PIK3C2G: variants seen among roughly 807,000 people sequenced by gnomAD.
The protein encoded by PIK3C2G is phosphatidylinositol 3-kinase C2 domain-containing subunit gamma.
Under a neutral mutation model 181.1 loss-of-function variants are expected in PIK3C2G, and 168 were observed. The observed-to-expected ratio is 0.93, with a 90% CI of 0.82 to 1.05. The LOEUF is 1.05. PIK3C2G is among the 50% of genes least tolerant of loss of function. The pLI is 0.00. For missense variants in PIK3C2G, 1,869 were observed against 1,732.8 expected, an observed-to-expected ratio of 1.08 and a Z score of -1.40; for synonymous variants, 573 against 592.2, an observed-to-expected ratio of 0.97 and a Z score of 0.47.
intron 30 of PIK3C2G, among the ~76,000 whole-genome samples, chr12:18,601,232 G>T (rs941927237): frequency 6.6e-6 from 1 of 150,952 alleles, no homozygotes; most frequent in Non-Finnish European, 1.5e-5. Context: ...CCCTGAAAAG[G>T]CATTTGATAA....
intron 26 of PIK3C2G, among the ~76,000 whole-genome samples, chr12:18,547,401 CTTG>C (rs1029289881): frequency 2.3e-4 from 35 of 151,986 alleles, no homozygotes; most frequent in Admixed American, 7.2e-4. Flanking sequence ...GTGTGCTGCC[CTTG>C]TTGTTGAAAA....
At chr12:18,562,328 T>G (rs1245577656) in intron 26 of PIK3C2G, among the ~76,000 whole-genome samples, 2 of 152,104 alleles carry the variant, frequency 1.3e-5, no homozygotes, top group Non-Finnish European at 2.9e-5. Flanking sequence ...GAAACAGGGT[T>G]TCACCGTGTT....
intron 13 of PIK3C2G, 22 bp downstream of exon 13, chr12:18,371,333 A>T (rs761639876): frequency 6.3e-7 from 1 of 1,576,020 alleles, no homozygotes; most frequent in Non-Finnish European, 8.6e-7. Flanking sequence ...AATTGTGAGT[A>T]ATAAGCCTAT....
At chr12:18,404,630 G>C (rs954273109) in intron 16 of PIK3C2G, among the ~76,000 whole-genome samples, 2 of 152,190 alleles carry the variant, frequency 1.3e-5, no homozygotes, top group Non-Finnish European at 2.9e-5. Context: ...AGGAAGACTA[G>C]TGTGTGCATG....
the PIK3C2G span, among the ~76,000 whole-genome samples, chr12:18,663,656 A>G: frequency 6.6e-6 from 1 of 152,068 alleles, no homozygotes; most frequent in African/African-American, 2.4e-5. Context: ...AAAAAAAAAC[A>G]TAGGACAAAA....
At chr12:18,269,657 CA>C (rs1353501915) in intron 1 of PIK3C2G, among the ~76,000 whole-genome samples, 3 of 152,102 alleles carry the variant, frequency 2.0e-5, no homozygotes, top group African/African-American at 7.2e-5. Flanking sequence ...CTCATAAAAA[CA>C]AGGGTAATCT....
Position 18,338,462 on chromosome 12 carries a change from A to G in PIK3C2G, c.1309A>G (p.Ile437Val). ...VYNIIEEVKKICSVLGCVETK... is the reference protein window; with the variant it reads ...VYNIIEEVKKVCSVLGCVETK... ...TAATATTATTGAAGAAGTTAAAAAA[A>G]TATGCAGTGTTCTAGGGTGTGTGGA... The change falls in exon 9 of 33, where the codon ATA becomes GTA. Residue 437 changes from isoleucine to valine, a missense_variant. Coordinates refer to ENST00000538779, the MANE Select transcript of PIK3C2G (RefSeq NM_001288772.2). The G allele has an allele frequency of 2.5e-6, 4 of 1,577,102 alleles. No homozygotes were observed. The highest frequency in any genetic ancestry group is 3.5e-6 in the Non-Finnish European group (4 of 1,148,218).
the PIK3C2G span, among the ~76,000 whole-genome samples, chr12:18,695,896 C>T: frequency 1.6e-4 from 24 of 152,110 alleles, no homozygotes; most frequent in African/African-American, 5.5e-4. Context: ...TCCTCCACTA[C>T]ACATGTCTCA....
At chr12:18,518,785 G>T (rs910060246) in intron 24 of PIK3C2G, among the ~76,000 whole-genome samples, 1 of 152,016 alleles carries the variant, frequency 6.6e-6, no homozygotes, top group Non-Finnish European at 1.5e-5. Flanking sequence ...TGATTAGTTT[G>T]CTCTTGCTTC....
In PIK3C2G at chr12:18,497,664, C is replaced by G. The variant is rs1941125676; in HGVS notation, c.2932C>G (p.Gln978Glu). ...RQDMLVLQLI[Q>E]VMDNIWLQEG... ...GGATATGCTTGTTCTGCAGCTTATT[C>G]AAGTGATGGACAATATTTGGCTGCA... Residue 978 changes from glutamine (Q) to glutamate (E), a missense_variant, in exon 22 of 33, where the codon CAA becomes GAA. By Grantham distance (29) the Gln-to-Glu change is conservative. Transcript: ENST00000538779. The G allele has an allele frequency of 1.2e-6, 2 of 1,612,142 alleles. No homozygotes were observed. Among genetic ancestry groups the G allele is most frequent in the South Asian group, 1.1e-5 (1 of 91,036 alleles).
intron 26 of PIK3C2G, among the ~76,000 whole-genome samples, chr12:18,556,704 T>C (rs1046035498): frequency 2.0e-5 from 3 of 152,186 alleles, no homozygotes; most frequent in African/African-American, 7.2e-5. Context: ...ATACTCCTGC[T>C]ATTATCCTCA....
chr12:18,719,741 A>C, the PIK3C2G span: 1 of 690,828 alleles, frequency 1.4e-6, no homozygotes, highest in South Asian at 2.7e-5. Context: ...TATTTCTAAA[A>C]TATTCCTTTA....
intron 24 of PIK3C2G, among the ~76,000 whole-genome samples, chr12:18,532,561 G>A (rs1159976443): frequency 1.3e-5 from 2 of 152,084 alleles, no homozygotes; most frequent in African/African-American, 2.4e-5. Context: ...CAGTATCATC[G>A]GTTCAAGAGG....
intron 24 of PIK3C2G, among the ~76,000 whole-genome samples, chr12:18,519,224 T>A (rs903941259): frequency 6.6e-6 from 1 of 152,070 alleles, no homozygotes; most frequent in South Asian, 2.1e-4. Flanking sequence ...GGGTGGAGAG[T>A]TCTGTAGATG....
intron 29 of PIK3C2G, among the ~76,000 whole-genome samples, chr12:18,581,665 G>A (rs1464043894): frequency 6.6e-6 from 1 of 152,186 alleles, no homozygotes; most frequent in African/African-American, 2.4e-5. Flanking sequence ...CTACATTTGA[G>A]TTGCCTATAA....
the PIK3C2G span, among the ~76,000 whole-genome samples, chr12:18,715,412 T>G: frequency 1.3e-5 from 2 of 151,624 alleles, no homozygotes; most frequent in African/African-American, 4.8e-5. Flanking sequence ...TTTTTTTTGT[T>G]TTTTTTAGAG....
chr12:18,650,331 C>CTATATA (rs371220581), downstream of PIK3C2G, among the ~76,000 whole-genome samples: 140 of 91,912 alleles, frequency 1.5e-3, no homozygotes, highest in Non-Finnish European at 1.7e-3. Context: ...CTCTCTCTCT[C>CTATATA]TATATATATA....
At chr12:18,341,824 C>G (rs1939170247) in intron 9 of PIK3C2G, among the ~76,000 whole-genome samples, 1 of 152,076 alleles carries the variant, frequency 6.6e-6, no homozygotes, top group African/African-American at 2.4e-5. Flanking sequence ...ATTTAAGAAG[C>G]TTTTCTTTTT....
chr12:18,314,421 T>C (rs1591924095), intron 6 of PIK3C2G: 1 of 166,510 alleles, frequency 6.0e-6, no homozygotes, highest in East Asian at 1.7e-4. Flanking sequence ...GATGAGGTGG[T>C]AAGTGCCCTT....
Sources: allele counts gnomAD v4.1 joint callset (sites outside exome capture counted in the v4.1 genomes callset), GRCh38; gene constraint gnomAD v4.1.1; transcripts MANE v1.5; gene names NCBI Gene and HGNC (gene_info 2026-07-23, HGNC 2026-07-21).